Variants in PCSK2 observed in about 807,000 individuals in gnomAD.
PCSK2 encodes the protein proprotein convertase subtilisin/kexin type 2, also known as neuroendocrine convertase 2.
A neutral mutation model predicts 69.7 loss-of-function variants in PCSK2; 14 were observed. The observed-to-expected ratio is 0.20, with a 90% CI of 0.13 to 0.31. The LOEUF (loss-of-function observed/expected upper bound fraction) is 0.31. Among genes scored for constraint, PCSK2 ranks in the 10% least tolerant of loss-of-function variants. The pLI, the probability that PCSK2 is intolerant of heterozygous loss-of-function variation, is 1.00. For synonymous variants in PCSK2, 307 were observed against 320.7 expected, an observed-to-expected ratio of 0.96 and a Z score of 0.46; for missense variants, 544 against 842.5, an observed-to-expected ratio of 0.65 and a Z score of 4.39.
intron 2 of PCSK2, among the ~76,000 whole-genome samples, chr20:17,306,310 TA>T (rs1989324581): frequency 6.6e-6 from 1 of 152,134 alleles, no homozygotes; most frequent in African/African-American, 2.4e-5. Flanking sequence ...ACCAAACAAT[TA>T]AATTATGCCC....
intron 8 of PCSK2, among the ~76,000 whole-genome samples, chr20:17,438,429 T>A (rs1188361737): frequency 1.3e-5 from 2 of 152,152 alleles, no homozygotes; most frequent in African/African-American, 4.8e-5. Flanking sequence ...TTCCATACAT[T>A]TCTTGAGGTC....
chr20:17,438,162 A>G (rs1192352061), intron 8 of PCSK2, among the ~76,000 whole-genome samples: 5 of 152,166 alleles, frequency 3.3e-5, no homozygotes, highest in Non-Finnish European at 4.4e-5. Context: ...ATGTTTTTAA[A>G]TTTGCTTCTT....
At chr20:17,472,392 TG>T (rs1393652387) in intron 11 of PCSK2, among the ~76,000 whole-genome samples, 1 of 152,202 alleles carries the variant, frequency 6.6e-6, no homozygotes, top group Non-Finnish European at 1.5e-5. Flanking sequence ...AGAGGCTTCC[TG>T]CACAAGTTCA....
intron 6 of PCSK2, among the ~76,000 whole-genome samples, chr20:17,412,857 G>A (rs2031908322): frequency 1.3e-5 from 2 of 152,144 alleles, no homozygotes; most frequent in Non-Finnish European, 2.9e-5. Flanking sequence ...ACAAGCCAGA[G>A]GAGAGTGGGG....
intron 5 of PCSK2, among the ~76,000 whole-genome samples, chr20:17,386,573 G>T (rs1353659095): frequency 6.6e-6 from 1 of 152,146 alleles, no homozygotes; most frequent in Non-Finnish European, 1.5e-5. Context: ...CTTATATGAG[G>T]TATCTAGAGT....
intron 7 of PCSK2, 112 bp from the exon 8 acceptor site, chr20:17,436,596 C>G: frequency 1.2e-6 from 1 of 862,110 alleles, no homozygotes; most frequent in Non-Finnish European, 1.8e-6. Flanking sequence ...CCCCAGAGCA[C>G]CTGAGATCTC....
intron 11 of PCSK2, among the ~76,000 whole-genome samples, chr20:17,466,551 C>A (rs1368348269): frequency 2.0e-5 from 3 of 152,334 alleles, no homozygotes; most frequent in East Asian, 3.9e-4. Flanking sequence ...GCACCCACTT[C>A]CCTTCCAACT....
At chr20:17,392,664 T>C (rs1412510929) in intron 5 of PCSK2, among the ~76,000 whole-genome samples, 1 of 152,202 alleles carries the variant, frequency 6.6e-6, no homozygotes, top group Non-Finnish European at 1.5e-5. Flanking sequence ...TTCTAGAATG[T>C]TATACAAATG....
intron 1 of PCSK2, among the ~76,000 whole-genome samples, chr20:17,238,008 C>T (rs925047412): frequency 5.9e-5 from 9 of 152,166 alleles, no homozygotes; most frequent in African/African-American, 2.2e-4. Context: ...TCAGACAGAG[C>T]AGAATTTGGC....
At chr20:17,457,063 G>C (rs1001302158) in intron 10 of PCSK2, among the ~76,000 whole-genome samples, 3 of 152,152 alleles carry the variant, frequency 2.0e-5, no homozygotes, top group African/African-American at 7.2e-5. Context: ...TGCTACTGCT[G>C]GACACACCTT....
intron 7 of PCSK2, among the ~76,000 whole-genome samples, chr20:17,430,210 C>G (rs2032335921): frequency 1.3e-5 from 2 of 151,800 alleles, no homozygotes; most frequent in African/African-American, 4.8e-5. Flanking sequence ...TCCCTCCCCT[C>G]TCAGAAAAAA....
At chr20:17,300,200 C>T (rs1989030958) in intron 2 of PCSK2, among the ~76,000 whole-genome samples, 1 of 152,194 alleles carries the variant, frequency 6.6e-6, no homozygotes, top group Middle Eastern at 3.2e-3. Flanking sequence ...TGAGTTAGCC[C>T]CAGCAGTCTC....
chr20:17,315,543 G>A (rs116791042), intron 2 of PCSK2, among the ~76,000 whole-genome samples: 1,571 of 152,226 alleles, frequency 0.01, 28 homozygotes, highest in African/African-American at 0.034. Flanking sequence ...TGCGACTCCC[G>A]GCGCCTTTCT....
At chr20:17,338,650 G>A (rs1486077581) in intron 2 of PCSK2, among the ~76,000 whole-genome samples, 3 of 152,110 alleles carry the variant, frequency 2.0e-5, no homozygotes, top group Non-Finnish European at 2.9e-5. Flanking sequence ...TAAATACTTA[G>A]TGAGTTCCTA....
chr20:17,384,216 A>T (rs183343496), intron 5 of PCSK2, among the ~76,000 whole-genome samples: 4 of 152,174 alleles, frequency 2.6e-5, no homozygotes. Flanking sequence ...GATACATCTT[A>T]GAATCCAGTA....
chr20:17,457,405 A>G (rs1417572898), intron 10 of PCSK2, among the ~76,000 whole-genome samples: 1 of 152,168 alleles, frequency 6.6e-6, no homozygotes, highest in Non-Finnish European at 1.5e-5. Context: ...GGTTCCTAGA[A>G]TAGAAAGGGG....
intron 2 of PCSK2, among the ~76,000 whole-genome samples, chr20:17,317,900 A>G (rs1371977117): frequency 2.0e-5 from 3 of 152,270 alleles, no homozygotes; most frequent in Non-Finnish European, 2.9e-5. Flanking sequence ...TGGAAAGATT[A>G]ATAATAACCA....
intron 4 of PCSK2, among the ~76,000 whole-genome samples, chr20:17,366,645 C>T (rs1334425385): frequency 6.6e-6 from 1 of 152,176 alleles, no homozygotes; most frequent in African/African-American, 2.4e-5. Flanking sequence ...TATCTAGTTA[C>T]CAAATTACTA....
chr20:17,353,465 C>CA (rs34448859), intron 2 of PCSK2, among the ~76,000 whole-genome samples: 41 of 145,246 alleles, frequency 2.8e-4, no homozygotes, highest in East Asian at 4.1e-4. Context: ...CTCCATCACA[C>CA]AAAAAAAAAA....
Sources: gnomAD v4.1 joint callset for allele counts (sites outside exome capture counted in the v4.1 genomes callset) on GRCh38, gnomAD v4.1.1 for gene constraint, MANE v1.5 for transcripts, NCBI Gene and HGNC (gene_info 2026-07-23, HGNC 2026-07-21) for gene names.